The following PDE11A variants were observed in gnomAD, a reference collection of about 807,000 sequenced individuals.
PDE11A encodes the protein phosphodiesterase 11A.
PDE11A carries 100 observed loss-of-function variants against 100.5 expected under a neutral mutation model. The observed-to-expected ratio is 1.00, with a 90% confidence interval of 0.85 to 1.18. The LOEUF is 1.18. PDE11A is among the 50% of genes most tolerant of loss of function. The pLI is 0.00. For synonymous variants in PDE11A, 381 were observed against 420.8 expected, an observed-to-expected ratio of 0.91 and a Z score of 1.16; for missense variants, 1,141 against 1,152.6, an observed-to-expected ratio of 0.99 and a Z score of 0.15.
intron 2 of PDE11A, among the ~76,000 whole-genome samples, chr2:177,917,205 A>T (rs13021356): frequency 0.1 from 15,906 of 152,098 alleles, 1,147 homozygotes; most frequent in Non-Finnish European, 0.15. Flanking sequence ...CAAAAAAAAA[A>T]TTAAAGTTCA....
chr2:177,894,203 G>C (rs920448972), intron 4 of PDE11A, among the ~76,000 whole-genome samples: 1 of 152,134 alleles, frequency 6.6e-6, no homozygotes, highest in Non-Finnish European at 1.5e-5. Context: ...AAGCCTAAAG[G>C]TTTGAGAAGC....
At chr2:178,094,816 CCTT>C (rs1268340171) in intron 2 of PDE11A, among the ~76,000 whole-genome samples, 3 of 152,084 alleles carry the variant, frequency 2.0e-5, no homozygotes, top group Non-Finnish European at 2.9e-5. Context: ...GAAGCAAGCA[CCTT>C]CTTCATAAGG....
intron 10 of PDE11A, among the ~76,000 whole-genome samples, chr2:177,766,109 G>C (rs2082235273): frequency 6.6e-6 from 1 of 152,096 alleles, no homozygotes; most frequent in African/African-American, 2.4e-5. Context: ...TGGCGCCAGG[G>C]ACCAGTTTCA....
chr2:177,705,025 A>G (rs1975321), intron 13 of PDE11A, among the ~76,000 whole-genome samples: 98,756 of 151,980 alleles, frequency 0.65, 34,772 homozygotes, highest in East Asian at 0.84. Flanking sequence ...TATCTTTAGT[A>G]AAGGCAAAGT....
chr2:177,661,414 C>T (rs1284496417), intron 19 of PDE11A, among the ~76,000 whole-genome samples: 1 of 152,172 alleles, frequency 6.6e-6, no homozygotes, highest in Non-Finnish European at 1.5e-5. Context: ...CTCGTCACTT[C>T]CTCAAGGTGT....
intron 2 of PDE11A, among the ~76,000 whole-genome samples, chr2:177,970,031 C>T (rs1157081173): frequency 2.0e-5 from 3 of 152,094 alleles, no homozygotes; most frequent in Non-Finnish European, 2.9e-5. Flanking sequence ...TAAATGAATT[C>T]TGGACTAAAG....
intron 6 of PDE11A, 84 bp downstream of exon 6, chr2:177,840,167 G>T (rs2083466874): frequency 7.3e-7 from 1 of 1,361,630 alleles, no homozygotes; most frequent in Non-Finnish European, 1.0e-6. Context: ...AGAATTGCTG[G>T]TAAGTATTCC....
chr2:177,728,012 G>T lies in PDE11A; in HGVS notation c.1935+14C>A. On this transcript the variant is annotated intron_variant, in intron 11 of 19. Transcript: ENST00000286063. ...CAGGTGAACTGCTTGGATCACCCAA[G>T]ACAGACATCTTACCTCATAGTCAAT... The T allele has an allele frequency of 1.2e-6, 2 of 1,610,580 alleles. No individual in the cohort carries two copies. Among genetic ancestry groups the T allele is most frequent in the Non-Finnish European group, 1.7e-6 (2 of 1,177,098 alleles).
chr2:177,701,078 T>G, intron 14 of PDE11A, 43 bp downstream of exon 14: 27 of 1,047,850 alleles, frequency 2.6e-5, no homozygotes, highest in Non-Finnish European at 2.7e-5. Flanking sequence ...AAAGAGTTGT[T>G]TTGGTTTCTG....
chr2:177,743,891 G>C (rs938452074), intron 10 of PDE11A, among the ~76,000 whole-genome samples: 1 of 152,154 alleles, frequency 6.6e-6, no homozygotes, highest in Non-Finnish European at 1.5e-5. Context: ...TGAGCAGAAG[G>C]CCCTAAAATC....
intron 1 of PDE11A, among the ~76,000 whole-genome samples, chr2:178,057,044 AG>A (rs1330150506): frequency 2.0e-5 from 3 of 152,188 alleles, no homozygotes; most frequent in African/African-American, 7.2e-5. Flanking sequence ...AGAAAGACTA[AG>A]AGAAAAGAGG....
intron 9 of PDE11A, among the ~76,000 whole-genome samples, chr2:177,804,424 AAAC>A (rs1207559485): frequency 6.6e-6 from 1 of 152,076 alleles, no homozygotes; most frequent in Non-Finnish European, 1.5e-5. Flanking sequence ...AAAAGTCAAA[AAAC>A]AACAGATATT....
intron 10 of PDE11A, among the ~76,000 whole-genome samples, chr2:177,758,442 T>C (rs1213645241): frequency 1.3e-5 from 2 of 152,148 alleles, no homozygotes; most frequent in Non-Finnish European, 2.9e-5. Flanking sequence ...GTGAACGTTA[T>C]GAATTGCTTC....
chr2:177,989,280 G>A lies in PDE11A; in HGVS notation c.1071+25022C>T, dbSNP rs569135838. 8.5e-5 allele frequency among the ~76,000 whole-genome samples: 13 copies of A among 152,308 alleles called. No individual in the cohort carries two copies. In the South Asian group the frequency reaches 2.7e-3, roughly 32 times the overall value. ...GAGATGTGGAATGCTGTTTCCTAAA[G>A]CAATATCAATCCTGGATGTGGTTAT... On this transcript the variant is annotated intron_variant, in intron 2 of 19. Transcript: ENST00000286063.
intron 2 of PDE11A, among the ~76,000 whole-genome samples, chr2:177,963,586 CT>C (rs1192425453): frequency 6.6e-6 from 1 of 152,242 alleles, no homozygotes; most frequent in Non-Finnish European, 1.5e-5. Flanking sequence ...CTACTCTCCC[CT>C]GGTCCACCTG....
upstream of PDE11A, among the ~76,000 whole-genome samples, chr2:178,077,260 C>CTTTTTT (rs57259393): frequency 3.7e-4 from 36 of 98,628 alleles, no homozygotes; most frequent in Middle Eastern, 5.4e-3. Context: ...TTCTTTCTTT[C>CTTTTTT]TTTTTTTTTT....
At chr2:177,800,814 A>T (rs1406861778) in intron 9 of PDE11A, among the ~76,000 whole-genome samples, 1 of 152,216 alleles carries the variant, frequency 6.6e-6, no homozygotes, top group Non-Finnish European at 1.5e-5. Flanking sequence ...CAGCCTAGTA[A>T]CTAAATATTA....
chr2:177,967,481 G>T (rs1325608386), intron 2 of PDE11A, among the ~76,000 whole-genome samples: 1 of 152,032 alleles, frequency 6.6e-6, no homozygotes, highest in African/African-American at 2.4e-5. Flanking sequence ...TTACAGGTGT[G>T]AGTGACTATG....
At chr2:177,894,423 T>C (rs1474314863) in intron 4 of PDE11A, among the ~76,000 whole-genome samples, 3 of 152,140 alleles carry the variant, frequency 2.0e-5, no homozygotes, top group Non-Finnish European at 4.4e-5. Context: ...AGTTCATCCG[T>C]ATGGTGTTAC....
Sources: allele counts gnomAD v4.1 joint callset (sites outside exome capture counted in the v4.1 genomes callset), GRCh38; gene constraint gnomAD v4.1.1; transcripts MANE v1.5; gene names NCBI Gene and HGNC (gene_info 2026-07-23, HGNC 2026-07-21).